The following FAM167A variants were observed in gnomAD, a reference collection of about 807,000 sequenced individuals.
FAM167A encodes protein FAM167A.
FAM167A carries 23 observed loss-of-function variants against 14.9 expected under a neutral mutation model. The observed-to-expected ratio is 1.55, with a 90% CI of 1.11 to 2.19. FAM167A has a LOEUF of 2.19. Among genes scored for constraint, FAM167A ranks in the 30% most tolerant of loss-of-function variants. The pLI is 0.00. For missense variants in FAM167A, 401 were observed against 281.5 expected (o/e 1.42, Z -3.04); for synonymous variants, 174 against 117.7 (o/e 1.48, Z -3.10).
chr8:11,428,305 G>T (rs1203709820), intron 2 of FAM167A, among the ~76,000 whole-genome samples: 1 of 152,200 alleles, frequency 6.6e-6, no homozygotes, highest in African/African-American at 2.4e-5. Context: ...CTGGTCAAAG[G>T]TCAGAGAACA....
intron 1 of FAM167A, among the ~76,000 whole-genome samples, chr8:11,458,387 A>C (rs575184140): frequency 3.5e-4 from 54 of 152,208 alleles, no homozygotes; most frequent in African/African-American, 1.3e-3. Flanking sequence ...GGTTTTACTG[A>C]GTCACATTTC....
chr8:11,426,785 T>C (rs1805198728), intron 2 of FAM167A, among the ~76,000 whole-genome samples: 1 of 152,256 alleles, frequency 6.6e-6, no homozygotes, highest in East Asian at 1.9e-4. Context: ...ACAATTTACA[T>C]GTTTGTTTAG....
intron 1 of FAM167A, among the ~76,000 whole-genome samples, chr8:11,462,890 C>A (rs1807595173): frequency 6.6e-6 from 1 of 152,288 alleles, no homozygotes; most frequent in Admixed American, 6.5e-5. Flanking sequence ...GAAATGCGTT[C>A]TCATTGGTAA....
intron 1 of FAM167A, among the ~76,000 whole-genome samples, chr8:11,464,138 A>G (rs1788395205): frequency 6.6e-6 from 1 of 151,232 alleles, no homozygotes; most frequent in Non-Finnish European, 1.5e-5. Context: ...AGTGTGCAGA[A>G]GGAAAGGGGG....
intron 1 of FAM167A, among the ~76,000 whole-genome samples, chr8:11,451,650 T>A (rs1211598731): frequency 6.6e-6 from 1 of 152,182 alleles, no homozygotes; most frequent in Non-Finnish European, 1.5e-5. Context: ...TGACCAGGTG[T>A]GAGCATGTGA....
chr8:11,456,029 G>C (rs1267312751), intron 1 of FAM167A, among the ~76,000 whole-genome samples: 1 of 91,824 alleles, frequency 1.1e-5, no homozygotes, highest in South Asian at 4.0e-4. Context: ...TGCCCTGCTG[G>C]GTATGAGTGT....
At chr8:11,462,248 C>T (rs894599034) in intron 1 of FAM167A, among the ~76,000 whole-genome samples, 14 of 152,252 alleles carry the variant, frequency 9.2e-5, no homozygotes, top group African/African-American at 2.6e-4. Flanking sequence ...AGGGCAGAGC[C>T]GGGTGTCGGG....
intron 1 of FAM167A, among the ~76,000 whole-genome samples, chr8:11,457,672 A>G (rs1807387744): frequency 6.6e-6 from 1 of 152,122 alleles, no homozygotes; most frequent in Admixed American, 6.5e-5. Context: ...TGAATGAATG[A>G]AGAGGACTTT....
rs148583120 is a variant in FAM167A, at chr8:11,426,217, A to C, written c.382-1581T>G. Among the ~76,000 whole-genome samples, 107 of 152,254 alleles carry C rather than the reference A, an allele frequency of 7.0e-4. No individual in the cohort carries two copies. The Middle Eastern group carries it at 0.017, about 24-fold the overall frequency. Reference sequence around the variant, plus strand: ...GACCTGTAAGCACCCCCACCCTCCAAGCCCCTTCAAGATATCCCACCTGTT... The same window carrying C: ...GACCTGTAAGCACCCCCACCCTCCACGCCCCTTCAAGATATCCCACCTGTT... On this transcript the variant is annotated intron_variant, in intron 2 of 2. Transcript: ENST00000284486.
At chr8:11,468,074 G>T (rs1385275691), upstream of FAM167A, among the ~76,000 whole-genome samples, 1 of 152,114 alleles carries the variant, frequency 6.6e-6, no homozygotes, top group Non-Finnish European at 1.5e-5. Flanking sequence ...CCTGCCACCC[G>T]GGTCCAAGCG....
intron 2 of FAM167A, among the ~76,000 whole-genome samples, chr8:11,433,342 C>A (rs1477459999): frequency 6.6e-6 from 1 of 152,190 alleles, no homozygotes; most frequent in Non-Finnish European, 1.5e-5. Flanking sequence ...GACCACCAGA[C>A]AAATCCTCCC....
intron 2 of FAM167A, 69 bp from the exon 3 acceptor site, chr8:11,424,705 T>G (rs1055995813): frequency 2.5e-6 from 4 of 1,576,226 alleles, no homozygotes; most frequent in Middle Eastern, 2.2e-4. Context: ...ACAGACTGGT[T>G]AGCAGGGCCC....
In FAM167A at chr8:11,444,717, G is replaced by A; in HGVS notation, c.-306C>T. 1.7e-6 allele frequency: 2 copies of A among 1,175,614 alleles called. No homozygotes were observed. The highest frequency in any genetic ancestry group is 3.0e-5 in the South Asian group (1 of 33,086). The allele number at this position is 1,175,614 out of a possible 1,614,324, so 72.8% of individuals were successfully genotyped here. ...GGAATCTCGGGGCAGCCTGTGCCAAGGTCTATCTGTCCTGAACGCACTCGA... is the reference window on the plus strand; with the variant it reads ...GGAATCTCGGGGCAGCCTGTGCCAAAGTCTATCTGTCCTGAACGCACTCGA... On this transcript the variant is annotated 5_prime_UTR_variant, in exon 2 of 3. Transcript: ENST00000284486.
rs1478557711 is a variant in FAM167A, at chr8:11,438,447, C to G, written c.381+5584G>C. 5 of 457,052 alleles carry G rather than the reference C, an allele frequency of 1.1e-5. No homozygotes were observed. In the Admixed American group the frequency reaches 1.2e-4, roughly 11 times the overall value. 28.3% of individuals were successfully genotyped at this position (457,052 alleles called of 1,614,324 possible). ...TTATTTTATTCTAGGAGATTCTATG[C>G]TACAGAAGTACAAGGTGAAGAATGC... On this transcript the variant is annotated intron_variant, in intron 2 of 2. Transcript: ENST00000284486.
intron 2 of FAM167A, among the ~76,000 whole-genome samples, chr8:11,425,723 G>C (rs959211556): frequency 1.3e-5 from 2 of 152,114 alleles, no homozygotes; most frequent in South Asian, 4.1e-4. Flanking sequence ...CATTGAAATA[G>C]AGATATAAGA....
chr8:11,431,953 G>C (rs1805631915), intron 2 of FAM167A, among the ~76,000 whole-genome samples: 1 of 151,214 alleles, frequency 6.6e-6, no homozygotes, highest in Non-Finnish European at 1.5e-5. Context: ...CCGAGAGGCT[G>C]GCCGGGGTGA....
chr8:11,459,250 G>A (rs1253026180), intron 1 of FAM167A, among the ~76,000 whole-genome samples: 1 of 152,094 alleles, frequency 6.6e-6, no homozygotes, highest in Non-Finnish European at 1.5e-5. Flanking sequence ...TATCTCTACT[G>A]CAGGCAAGGA....
chr8:11,448,442 T>G (rs1035500726), intron 1 of FAM167A, among the ~76,000 whole-genome samples: 1 of 152,196 alleles, frequency 6.6e-6, no homozygotes, highest in African/African-American at 2.4e-5. Context: ...ATGTCATTAT[T>G]AAGATGACAT....
At position 11,444,252 on chromosome 8, in the gene FAM167A, C is replaced by G; in HGVS notation, c.160G>C (p.Glu54Gln). ...PSYLEWQARL[E>Q]EHTWPFPRPA... The stretch of plus-strand genomic sequence containing the variant: ...CTCGGGAAGGGCCAGGTATGCTCCT[C>G]CAGCCTGGCCTGCCATTCCAGGTAG... The change falls in exon 2 of 3, where the codon GAG becomes CAG. Residue 54 changes from glutamate (E) to glutamine (Q), a missense_variant. By Grantham distance (29) the Glu-to-Gln change is conservative (BLOSUM62 2). Coordinates refer to ENST00000284486, the MANE Select transcript of FAM167A (RefSeq NM_053279.3). 1 of 1,611,058 alleles carries G rather than the reference C, an allele frequency of 6.2e-7. No homozygotes were observed. Among genetic ancestry groups the G allele is most frequent in the Middle Eastern group, 1.7e-4 (1 of 6,038 alleles).
Sources: allele counts gnomAD v4.1 joint callset (sites outside exome capture counted in the v4.1 genomes callset), GRCh38; gene constraint gnomAD v4.1.1; transcripts MANE v1.5; gene names NCBI Gene and HGNC (gene_info 2026-07-23, HGNC 2026-07-21).